Variants in DGKB observed in about 807,000 individuals in gnomAD.
DGKB encodes the protein 90 kDa diacylglycerol kinase.
Under a neutral mutation model 114.3 loss-of-function variants are expected in DGKB, and 67 were observed. The observed-to-expected ratio is 0.59, with a 90% CI of 0.48 to 0.72. DGKB has a LOEUF of 0.72. Ranked by LOEUF, DGKB falls within the 30% of genes least tolerant of loss-of-function variation. The probability of loss-of-function intolerance (pLI) is 0.00; values close to 1 mark genes in which losing one functional copy is unlikely to be tolerated. For synonymous variants in DGKB, 398 were observed against 323.1 expected, an observed-to-expected ratio of 1.23 and a Z score of -2.49; for missense variants, 907 against 975.2, an observed-to-expected ratio of 0.93 and a Z score of 0.93.
At chr7:14,449,978 T>C (rs948188174) in intron 21 of DGKB, among the ~76,000 whole-genome samples, 7 of 152,046 alleles carry the variant, frequency 4.6e-5, no homozygotes, top group Non-Finnish European at 1.0e-4. Context: ...GAATTGTTTT[T>C]AAATTAGTGT....
intron 16 of DGKB, among the ~76,000 whole-genome samples, chr7:14,609,286 T>C (rs1166449894): frequency 1.3e-5 from 2 of 151,890 alleles, no homozygotes; most frequent in Non-Finnish European, 2.9e-5. Flanking sequence ...TACAAAACAA[T>C]AGCGAAAGGA....
chr7:14,500,225 C>A (rs556908050), intron 20 of DGKB, among the ~76,000 whole-genome samples: 21 of 151,920 alleles, frequency 1.4e-4, no homozygotes, highest in African/African-American at 4.6e-4. Context: ...TTATTAACAT[C>A]TTTGCCCTTT....
intron 20 of DGKB, among the ~76,000 whole-genome samples, chr7:14,555,830 A>T (rs1417617495): frequency 6.6e-6 from 1 of 152,174 alleles, no homozygotes. Context: ...ATTACAGTTG[A>T]CAAATGCCAT....
chr7:14,512,776 A>G (rs1788179352), intron 20 of DGKB, among the ~76,000 whole-genome samples: 2 of 152,080 alleles, frequency 1.3e-5, no homozygotes, highest in Non-Finnish European at 2.9e-5. Context: ...AACACAGCTT[A>G]TTATTATACA....
At chr7:14,782,523 A>G (rs748166478) in intron 2 of DGKB, among the ~76,000 whole-genome samples, 1 of 152,190 alleles carries the variant, frequency 6.6e-6, no homozygotes, top group Non-Finnish European at 1.5e-5. Flanking sequence ...ATGTGGAATA[A>G]AAGCATAAGA....
At chr7:14,513,324 T>C (rs1442270557) in intron 20 of DGKB, among the ~76,000 whole-genome samples, 1 of 152,088 alleles carries the variant, frequency 6.6e-6, no homozygotes, top group Admixed American at 6.6e-5. Flanking sequence ...ACACAGTAGA[T>C]GGCTGTGCCT....
intron 20 of DGKB, among the ~76,000 whole-genome samples, chr7:14,497,241 A>C (rs1484958298): frequency 2.0e-5 from 3 of 151,798 alleles, no homozygotes; most frequent in African/African-American, 4.8e-5. Context: ...CATATGATGT[A>C]AACTATTAGG....
intron 1 of DGKB, among the ~76,000 whole-genome samples, chr7:14,937,945 T>C (rs528365868): frequency 5.6e-4 from 85 of 152,034 alleles, no homozygotes; most frequent in Middle Eastern, 6.8e-3. Context: ...CAGTATATAA[T>C]ACAACAAAAC....
intron 21 of DGKB, among the ~76,000 whole-genome samples, chr7:14,370,030 G>A (rs747498209): frequency 4.6e-5 from 7 of 152,212 alleles, no homozygotes; most frequent in Non-Finnish European, 1.0e-4. Flanking sequence ...CCATGCCTAT[G>A]TTCTGAATGG....
intron 23 of DGKB, among the ~76,000 whole-genome samples, chr7:14,232,874 T>C (rs1792125099): frequency 6.6e-6 from 1 of 152,014 alleles, no homozygotes; most frequent in Non-Finnish European, 1.5e-5. Context: ...AGTGACAAAT[T>C]CTAGGCTCTA....
At chr7:14,350,398 AAAAC>A (rs1813233283) in intron 21 of DGKB, among the ~76,000 whole-genome samples, 1 of 152,100 alleles carries the variant, frequency 6.6e-6, no homozygotes, top group African/African-American at 2.4e-5. Context: ...AACATAAAAC[AAAAC>A]AAACAAACGA....
intron 15 of DGKB, among the ~76,000 whole-genome samples, chr7:14,616,514 G>T (rs1280394442): frequency 1.3e-5 from 2 of 151,644 alleles, no homozygotes; most frequent in South Asian, 2.1e-4. Context: ...CTAAAATATT[G>T]TGTCCTTTTT....
Position 14,338,572 on chromosome 7 carries a change from CT to C in DGKB, c.2064del (p.Ser690LeufsTer13). The C allele has an allele frequency of 6.2e-7, 1 of 1,608,878 alleles. No individual in the cohort carries two copies. Among genetic ancestry groups the C allele is most frequent in the African/African-American group, 1.3e-5 (1 of 74,616 alleles). ...KRRSHRRIEK[K>X]GSDKRTTVTD... is the part of the protein sequence containing the mutation. ...GTGACGGTGGTCCTTTTGTCAGACC[CT>C]TTTTTCTCTATTCGTCGATGGCTTC... On this transcript the variant is annotated frameshift_variant, in exon 23 of 26. Coordinates refer to ENST00000402815, the MANE Select transcript of DGKB (RefSeq NM_001350709.2). LOFTEE classifies it high-confidence loss of function.
chr7:14,303,782 G>A (rs1165958606), intron 23 of DGKB, among the ~76,000 whole-genome samples: 1 of 152,102 alleles, frequency 6.6e-6, no homozygotes, highest in Non-Finnish European at 1.5e-5. Flanking sequence ...GTTGTGAACA[G>A]TGATGTGGCC....
chr7:14,396,152 T>C (rs921100262), intron 21 of DGKB, among the ~76,000 whole-genome samples: 5 of 152,104 alleles, frequency 3.3e-5, no homozygotes, highest in African/African-American at 7.2e-5. Flanking sequence ...TAGGAATTAA[T>C]ATATTTTAAA....
chr7:14,866,338 G>A (rs1587012278), intron 1 of DGKB, among the ~76,000 whole-genome samples: 1 of 152,198 alleles, frequency 6.6e-6, no homozygotes, highest in East Asian at 1.9e-4. Context: ...AATGTATAAT[G>A]ACATGTTCTT....
chr7:14,689,068 G>T (rs12334081), intron 9 of DGKB, among the ~76,000 whole-genome samples: 9,573 of 151,146 alleles, frequency 0.063, 669 homozygotes, highest in African/African-American at 0.17. Context: ...AACTTATATA[G>T]AGAGAGAGAG....
chr7:14,678,256 G>GATGCTA (rs1820223858), intron 12 of DGKB, among the ~76,000 whole-genome samples: 1 of 152,044 alleles, frequency 6.6e-6, no homozygotes, highest in African/African-American at 2.4e-5. Flanking sequence ...ACAGTTAACA[G>GATGCTA]TGCAAACGAT....
intron 3 of DGKB, 35 bp from the exon 4 acceptor site, chr7:14,753,983 A>G: frequency 7.1e-7 from 1 of 1,403,560 alleles, no homozygotes; most frequent in Non-Finnish European, 9.9e-7. Flanking sequence ...TACATGTGTT[A>G]ATGTAAGATA....
Sources: gnomAD v4.1 joint callset for allele counts (sites outside exome capture counted in the v4.1 genomes callset) on GRCh38, gnomAD v4.1.1 for gene constraint, MANE v1.5 for transcripts, NCBI Gene and HGNC (gene_info 2026-07-23, HGNC 2026-07-21) for gene names.